FKBP11: variants seen among roughly 807,000 people sequenced by gnomAD.
FKBP11 encodes FKBP prolyl isomerase 11.
Under a neutral mutation model 24.7 loss-of-function variants are expected in FKBP11, and 21 were observed. The ratio of observed to expected loss-of-function variants is 0.85; its 90% CI spans 0.60 to 1.23. The LOEUF is 1.23. FKBP11 is among the 50% of genes most tolerant of loss of function. The pLI is 0.00. For synonymous variants in FKBP11, 106 were observed against 100.6 expected (o/e 1.05, Z -0.32); for missense variants, 245 against 248.7 (o/e 0.99, Z 0.10).
the FKBP11 span, among the ~76,000 whole-genome samples, chr12:48,935,249 A>G: frequency 6.6e-6 from 1 of 152,096 alleles, no homozygotes; most frequent in Non-Finnish European, 1.5e-5. Context: ...CTTGAGGGTG[A>G]TGGCCTATTA....
chr12:48,925,668 G>T, upstream of FKBP11: 2 of 577,520 alleles, frequency 3.5e-6, no homozygotes, highest in South Asian at 4.3e-5. Context: ...GCATCCGTTA[G>T]ACGTTCTGTC....
At chr12:48,927,875 C>G (rs573484397), upstream of FKBP11, among the ~76,000 whole-genome samples, 1 of 151,974 alleles carries the variant, frequency 6.6e-6, no homozygotes, top group Non-Finnish European at 1.5e-5. Flanking sequence ...CTCTGGATTG[C>G]CTACCACCAG....
intron 5 of FKBP11, chr12:48,923,436 C>T (rs1438207942): frequency 2.6e-6 from 4 of 1,532,442 alleles, no homozygotes; most frequent in Non-Finnish European, 3.5e-6. Flanking sequence ...GGTGGCTGTA[C>T]AGCTGACACA....
chr12:48,925,259 G>A, intron 1 of FKBP11, 41 bp downstream of exon 1: 1 of 1,604,400 alleles, frequency 6.2e-7, no homozygotes, highest in Non-Finnish European at 8.5e-7. Flanking sequence ...ACCCAACAAG[G>A]CTCGGCCCAC....
chr12:48,924,393 TG>T, intron 3 of FKBP11, 137 bp from the exon 4 acceptor site: 1 of 1,220,680 alleles, frequency 8.2e-7, no homozygotes, highest in Non-Finnish European at 1.2e-6. Context: ...CAATAGGATA[TG>T]GGACAAGTGG....
At chr12:48,933,862 C>CA in the FKBP11 span, among the ~76,000 whole-genome samples, 500 of 124,310 alleles carry the variant, frequency 4.0e-3, 4 homozygotes, top group African/African-American at 0.011. Context: ...GACTGTGTCT[C>CA]AAAAAAAAAA....
chr12:48,932,907 G>A, the FKBP11 span, among the ~76,000 whole-genome samples: 1 of 152,152 alleles, frequency 6.6e-6, no homozygotes. Context: ...GGGTACATGG[G>A]TAGAACTGGT....
upstream of FKBP11, chr12:48,931,340 G>C: frequency 2.3e-6 from 3 of 1,300,242 alleles, no homozygotes; most frequent in Non-Finnish European, 3.2e-6. Context: ...TGAAGGGGAA[G>C]AGGAGTGGAG....
chr12:48,925,301 A>AG lies in FKBP11; in HGVS notation c.127dup (p.Leu43ProfsTer33). ...TGAGGGTCGGGACTATCTCCTCACC[A>AG]GGGTCTCCACTTGGAGGGTCCGGAC... is the stretch of plus-strand genomic sequence containing the variant. On this transcript the variant is annotated frameshift_variant and splice_region_variant, in exon 1 of 6. Transcript: ENST00000550765. LOFTEE classifies it high-confidence loss of function. 1.2e-6 allele frequency: 2 copies of AG among 1,612,110 alleles called. No individual in the cohort carries two copies. Among genetic ancestry groups the AG allele is most frequent in the Non-Finnish European group, 1.7e-6 (2 of 1,179,502 alleles).
At chr12:48,928,043 CTTTTTTTTT>C (rs34076093), upstream of FKBP11, among the ~76,000 whole-genome samples, 11 of 88,468 alleles carry the variant, frequency 1.2e-4, 1 homozygote, top group African/African-American at 4.0e-4. Context: ...TGCCAGATAC[CTTTTTTTTT>C]TTTTTTTTTT....
intron 5 of FKBP11, 132 bp downstream of exon 5, chr12:48,923,650 C>G: frequency 6.4e-7 from 1 of 1,566,450 alleles, no homozygotes; most frequent in Non-Finnish European, 8.7e-7. Flanking sequence ...TAGATGGAGG[C>G]CCCAGCCACT....
the FKBP11 span, among the ~76,000 whole-genome samples, chr12:48,932,230 TATA>T: frequency 3.4e-4 from 9 of 26,398 alleles, no homozygotes; most frequent in African/African-American, 1.3e-3. Flanking sequence ...CATATATTTA[TATA>T]TATATATATA....
chr12:48,925,260 C>G, intron 1 of FKBP11, 40 bp downstream of exon 1: 5 of 1,604,728 alleles, frequency 3.1e-6, no homozygotes, highest in Non-Finnish European at 4.3e-6. Context: ...CCCAACAAGG[C>G]TCGGCCCACG....
chr12:48,931,207 A>G (rs1023622976), upstream of FKBP11, among the ~76,000 whole-genome samples: 3 of 149,754 alleles, frequency 2.0e-5, no homozygotes, highest in Non-Finnish European at 4.4e-5. Flanking sequence ...GTGGGAACAC[A>G]TTGCAAGTTT....
the FKBP11 span, chr12:48,938,596 C>A: frequency 2.2e-6 from 1 of 457,464 alleles, no homozygotes. Flanking sequence ...GGAAAGGACT[C>A]AGATGCCAAG....
intron 5 of FKBP11, chr12:48,923,243 C>A: frequency 7.5e-7 from 1 of 1,333,078 alleles, no homozygotes; most frequent in South Asian, 1.7e-5. Flanking sequence ...AAAAGATATG[C>A]ATCTTGGGAA....
At position 48,924,613 on chromosome 12, in the gene FKBP11, G is replaced by A; in HGVS notation, c.231C>T (p.Ser77=). 5.0e-6 allele frequency: 8 copies of A among 1,614,090 alleles called. No individual in the cohort carries two copies. The highest frequency in any genetic ancestry group is 6.8e-6 in the Non-Finnish European group (8 of 1,179,992). Residue 77 remains serine, a synonymous_variant, in exon 3 of 6, where the codon TCC becomes TCT. Coordinates refer to ENST00000550765, the MANE Select transcript of FKBP11 (RefSeq NM_016594.3). ...CTATAACCAGAGGGTCTCTGGTCAG[G>A]GAGGTGTCAATAATACGTCCATCTA... is the stretch of plus-strand genomic sequence containing the variant. ...SLVDGRIIDT[S]LTRDPLVIEL... is the part of the protein sequence containing the mutation.
chr12:48,925,034 C>G lies in FKBP11; in HGVS notation c.195+12G>C. 1 of 1,610,882 alleles carries G rather than the reference C, an allele frequency of 6.2e-7. No individual in the cohort carries two copies. Among genetic ancestry groups the G allele is most frequent in the Non-Finnish European group, 8.5e-7 (1 of 1,177,794 alleles). ...CCTCCCAGGCCCCGCCCCGGCCCCCCAGACCCCTCACCGTGTAGTGTATGT... is the reference window on the plus strand; with the variant it reads ...CCTCCCAGGCCCCGCCCCGGCCCCCGAGACCCCTCACCGTGTAGTGTATGT... On this transcript the variant is annotated intron_variant, in intron 2 of 5. Coordinates refer to ENST00000550765, the MANE Select transcript of FKBP11 (RefSeq NM_016594.3).
At chr12:48,930,826 G>A (rs1016343120), upstream of FKBP11, among the ~76,000 whole-genome samples, 1 of 152,232 alleles carries the variant, frequency 6.6e-6, no homozygotes, top group Non-Finnish European at 1.5e-5. Flanking sequence ...TGGCTGGAGA[G>A]GGAATTAAGG....
Sources: gnomAD v4.1 joint callset for allele counts (sites outside exome capture counted in the v4.1 genomes callset) on GRCh38, gnomAD v4.1.1 for gene constraint, MANE v1.5 for transcripts, NCBI Gene and HGNC (gene_info 2026-07-23, HGNC 2026-07-21) for gene names.